The following BMP2K variants were observed in gnomAD, a reference collection of about 807,000 sequenced individuals.
BMP2K encodes BMP2 inducible kinase.
BMP2K carries 74 observed loss-of-function variants against 116.0 expected under a neutral mutation model. The observed-to-expected ratio is 0.64, with a 90% CI of 0.53 to 0.77. BMP2K has a LOEUF of 0.77. Ranked by LOEUF, BMP2K falls within the 30% of genes least tolerant of loss-of-function variation. BMP2K has a pLI of 0.00. For missense variants in BMP2K, 1,365 were observed against 1,403.6 expected (o/e 0.97, Z 0.44); for synonymous variants, 486 against 502.5 (o/e 0.97, Z 0.44).
intron 3 of BMP2K, among the ~76,000 whole-genome samples, chr4:78,842,135 C>A (rs1025524809): frequency 2.6e-5 from 4 of 151,788 alleles, no homozygotes; most frequent in African/African-American, 9.7e-5. Flanking sequence ...TGATCTCAGA[C>A]GTGTTAAAGA....
chr4:78,892,490 G>T (rs1003805358), intron 15 of BMP2K, among the ~76,000 whole-genome samples: 2 of 152,086 alleles, frequency 1.3e-5, no homozygotes, highest in African/African-American at 4.8e-5. Flanking sequence ...ACTTGCTAAG[G>T]TATTAATCTC....
chr4:78,776,971 G>T (rs1727280979), intron 1 of BMP2K, among the ~76,000 whole-genome samples: 1 of 152,128 alleles, frequency 6.6e-6, no homozygotes, highest in Non-Finnish European at 1.5e-5. Flanking sequence ...TTTTTGACGC[G>T]AGAAAATAGG....
chr4:78,898,246 A>G (rs1733808887), intron 15 of BMP2K, among the ~76,000 whole-genome samples: 1 of 152,190 alleles, frequency 6.6e-6, no homozygotes, highest in Non-Finnish European at 1.5e-5. Context: ...ATTATCTAAT[A>G]GGAAGTTAAA....
intron 4 of BMP2K, 80 bp from the exon 5 acceptor site, chr4:78,844,848 A>T: frequency 3.8e-6 from 5 of 1,313,272 alleles, no homozygotes; most frequent in Non-Finnish European, 5.4e-6. Context: ...GTATGTACAA[A>T]TAACCATTTT....
intron 13 of BMP2K, 118 bp from the exon 14 acceptor site, chr4:78,878,616 A>G (rs539975795): frequency 3.5e-6 from 3 of 849,838 alleles, no homozygotes; most frequent in African/African-American, 1.8e-5. Context: ...CATCTCTGTC[A>G]TAAGGAAATG....
chr4:78,886,640 C>T lies in BMP2K; in HGVS notation c.1952-534C>T, dbSNP rs114532413. 7.1e-3 allele frequency among the ~76,000 whole-genome samples: 1,077 copies of T among 151,648 alleles called. 4 individuals carry two copies. Among genetic ancestry groups the T allele is most frequent in the African/African-American group, 0.017 (684 of 41,368 alleles). ...TTTTGTGTAAGTTTTTGTGAGTGTA[C>T]GTGGGGGCATGTGTGTTTGTGTGTG... On this transcript the variant is annotated intron_variant, in intron 14 of 15. Transcript: ENST00000502613.
At chr4:78,776,811 C>G (rs1578457131) in intron 1 of BMP2K, 90 bp downstream of exon 1, 2 of 1,108,464 alleles carry the variant, frequency 1.8e-6, no homozygotes, top group Non-Finnish European at 2.3e-6. Flanking sequence ...TCCGGACTGA[C>G]TCTTATACCC....
At chr4:78,873,600 C>T (rs186908169) in intron 13 of BMP2K, among the ~76,000 whole-genome samples, 1 of 152,168 alleles carries the variant, frequency 6.6e-6, no homozygotes, top group East Asian at 1.9e-4. Flanking sequence ...CATACTTGTA[C>T]ACTGCATCTC....
chr4:78,805,117 T>G (rs910671921), intron 1 of BMP2K, among the ~76,000 whole-genome samples: 7 of 152,322 alleles, frequency 4.6e-5, no homozygotes, highest in African/African-American at 7.2e-5. Context: ...CAAACTTCAT[T>G]CATTTGCATG....
chr4:78,818,217 C>A (rs1212071350), intron 1 of BMP2K, among the ~76,000 whole-genome samples: 8 of 152,156 alleles, frequency 5.3e-5, no homozygotes, highest in African/African-American at 1.9e-4. Context: ...TGGTTTGCTG[C>A]ACCCATCAAC....
intron 1 of BMP2K, among the ~76,000 whole-genome samples, chr4:78,784,016 C>T (rs1251966016): frequency 1.3e-5 from 2 of 152,108 alleles, no homozygotes; most frequent in African/African-American, 4.8e-5. Context: ...TCATGGGGTG[C>T]ACAGTAGGGA....
At position 78,879,024 on chromosome 4, in the gene BMP2K, T is replaced by C; in HGVS notation, c.1951+133T>C. The stretch of plus-strand genomic sequence containing the variant: ...GCATTTGAGGGCAAAATTCAGGCCA[T>C]CTTCTTATACATATACTATCAAATT... On this transcript the variant is annotated intron_variant, in intron 14 of 15. Coordinates refer to ENST00000502613, the MANE Select transcript of BMP2K (RefSeq NM_198892.2). The C allele has an allele frequency of 2.0e-6, 3 of 1,476,148 alleles. No individual in the cohort carries two copies. The East Asian group carries it at 7.3e-5, about 36-fold the overall frequency. The allele number at this position is 1,476,148 out of a possible 1,614,324, so 91.4% of individuals were successfully genotyped here.
intron 15 of BMP2K, among the ~76,000 whole-genome samples, chr4:78,907,626 C>G (rs1734351507): frequency 6.6e-6 from 1 of 151,998 alleles, no homozygotes; most frequent in African/African-American, 2.4e-5. Flanking sequence ...TTGGGAAATC[C>G]TAGGGTTCAT....
chr4:78,848,298 T>G (rs561818155), intron 6 of BMP2K, among the ~76,000 whole-genome samples: 1 of 151,676 alleles, frequency 6.6e-6, no homozygotes, highest in South Asian at 2.1e-4. Context: ...GTACTACTTA[T>G]AGATCTCCAG....
intron 1 of BMP2K, among the ~76,000 whole-genome samples, chr4:78,819,270 G>A (rs1212570245): frequency 6.6e-6 from 1 of 152,050 alleles, no homozygotes; most frequent in Non-Finnish European, 1.5e-5. Context: ...CAAAGTGTTG[G>A]TATTACAGGT....
chr4:78,839,053 T>C (rs1291555753), intron 3 of BMP2K, among the ~76,000 whole-genome samples: 1 of 152,242 alleles, frequency 6.6e-6, no homozygotes, highest in Non-Finnish European at 1.5e-5. Flanking sequence ...ATGGATTATG[T>C]ATCTGTTAGT....
In BMP2K at chr4:78,870,884, G is replaced by A; in HGVS notation, c.1333G>A (p.Asp445Asn). ...HRVLQQLQQG[D>N]WRLQQLHLQH... ...AGTACTCCAGCAACTACAGCAGGGA[G>A]ATTGGAGATTACAGCAACTCCATTT... The change falls in exon 11 of 16, where the codon GAT (aspartate) becomes AAT (asparagine). Residue 445 changes from aspartate to asparagine, a missense_variant. Physicochemically the swap from Asp to Asn is conservative, Grantham distance 23. Around this residue, in one of 3 missense-constraint regions of BMP2K, gnomAD observed 762 missense variants for 756.7 expected, o/e 1.01. Transcript: ENST00000502613. The A allele has an allele frequency of 6.2e-7, 1 of 1,613,008 alleles. No homozygotes were observed. Among genetic ancestry groups the A allele is most frequent in the African/African-American group, 1.3e-5 (1 of 74,656 alleles).
chr4:78,782,897 G>T lies in BMP2K; in HGVS notation c.178+6176G>T, dbSNP rs573810182. On this transcript the variant is annotated intron_variant, in intron 1 of 15. Transcript: ENST00000502613. ...TTACTCAGCACCCTTTTTTGTTGTTGTTTAATTAAGCTCTTAGAAAACATT... is the reference window on the plus strand; with the variant it reads ...TTACTCAGCACCCTTTTTTGTTGTTTTTTAATTAAGCTCTTAGAAAACATT... 5.3e-5 allele frequency among the ~76,000 whole-genome samples: 8 copies of T among 152,138 alleles called. No homozygotes were observed. The South Asian group carries it at 1.7e-3, about 32-fold the overall frequency.
intron 15 of BMP2K, among the ~76,000 whole-genome samples, chr4:78,909,689 G>A (rs1734481603): frequency 6.6e-6 from 1 of 152,132 alleles, no homozygotes. Flanking sequence ...CGTCTCCTTA[G>A]GGAGGTCTTC....
Sources: gnomAD v4.1 joint callset for allele counts (sites outside exome capture counted in the v4.1 genomes callset) on GRCh38, gnomAD v4.1.1 for gene constraint, gnomAD v4.1.1 regional missense constraint, MANE v1.5 for transcripts, NCBI Gene and HGNC (gene_info 2026-07-23, HGNC 2026-07-21) for gene names.